SLC35D4: variants seen among roughly 807,000 people sequenced by gnomAD.
SLC35D4 encodes the protein solute carrier family 35 member D4.
At chr18:23,273,022 C>T in the SLC35D4 span, among the ~76,000 whole-genome samples, 2 of 152,170 alleles carry the variant, frequency 1.3e-5, no homozygotes, top group South Asian at 2.1e-4. Flanking sequence ...TCCATGACAC[C>T]GGTGAGCCGC....
chr18:23,395,263 A>G, the SLC35D4 span, among the ~76,000 whole-genome samples: 212 of 152,258 alleles, frequency 1.4e-3, no homozygotes, highest in African/African-American at 4.9e-3. Context: ...TTCCTTTATG[A>G]TATTGGAGCC....
the SLC35D4 span, among the ~76,000 whole-genome samples, chr18:23,308,130 A>T: frequency 6.6e-6 from 1 of 152,192 alleles, no homozygotes. Flanking sequence ...CTTGCACAGG[A>T]TGTGGCCAGG....
At chr18:23,246,593 G>GT in the SLC35D4 span, among the ~76,000 whole-genome samples, 2 of 151,068 alleles carry the variant, frequency 1.3e-5, no homozygotes, top group African/African-American at 2.5e-5. Flanking sequence ...GGGTTTCACC[G>GT]TGTTAGCCAG....
At chr18:23,277,777 T>TG in the SLC35D4 span, among the ~76,000 whole-genome samples, 4,242 of 152,222 alleles carry the variant, frequency 0.028, 82 homozygotes, top group South Asian at 0.054. Context: ...GCATCAAGAC[T>TG]GGGGGTGATT....
chr18:23,310,224 G>A, the SLC35D4 span: 2 of 985,286 alleles, frequency 2.0e-6, no homozygotes, highest in South Asian at 4.7e-5. Flanking sequence ...CTCACCTAAT[G>A]CTCCCATCTT....
the SLC35D4 span, chr18:23,384,861 C>A: frequency 1.4e-6 from 1 of 718,222 alleles, no homozygotes; most frequent in Non-Finnish European, 2.4e-6. Flanking sequence ...TCATTGATCA[C>A]TATCAGGTAA....
the SLC35D4 span, among the ~76,000 whole-genome samples, chr18:23,313,126 C>CAAAAAAAAAAAAAAAAAAAAA: frequency 6.1e-4 from 18 of 29,490 alleles, 3 homozygotes; most frequent in Non-Finnish European, 8.0e-4. Flanking sequence ...GACTACATCT[C>CAAAAAAAAAAAAAAAAAAAAA]AAAAAAAAAA....
At chr18:23,240,140 G>A in the SLC35D4 span, among the ~76,000 whole-genome samples, 4 of 151,998 alleles carry the variant, frequency 2.6e-5, no homozygotes, top group Non-Finnish European at 5.9e-5. Context: ...CAAAAACAGC[G>A]GCAGGAAATG....
the SLC35D4 span, among the ~76,000 whole-genome samples, chr18:23,358,708 A>G: frequency 6.6e-6 from 1 of 152,060 alleles, no homozygotes; most frequent in Non-Finnish European, 1.5e-5. Flanking sequence ...ACCATAACCA[A>G]TATACCCAGC....
the SLC35D4 span, among the ~76,000 whole-genome samples, chr18:23,432,587 A>G: frequency 1.3e-5 from 2 of 151,624 alleles, no homozygotes; most frequent in Non-Finnish European, 2.9e-5. Context: ...AGGCTGCGGC[A>G]GGATAATCAC....
chr18:23,436,370 T>TAAA, the SLC35D4 span, among the ~76,000 whole-genome samples: 1 of 152,106 alleles, frequency 6.6e-6, no homozygotes, highest in East Asian at 1.9e-4. Context: ...CATCTTAAAG[T>TAAA]TAAGAAACTT....
At chr18:23,371,365 G>A in the SLC35D4 span, 1 of 1,396,214 alleles carries the variant, frequency 7.2e-7, no homozygotes, top group South Asian at 1.5e-5. Flanking sequence ...AAAGTGCTGG[G>A]ATTCCAGGTA....
At chr18:23,410,295 G>A in the SLC35D4 span, among the ~76,000 whole-genome samples, 1 of 151,758 alleles carries the variant, frequency 6.6e-6, no homozygotes, top group African/African-American at 2.4e-5. Flanking sequence ...GGCTAACACA[G>A]TGAAACCCTA....
the SLC35D4 span, among the ~76,000 whole-genome samples, chr18:23,252,491 G>A: frequency 2.0e-5 from 3 of 152,200 alleles, no homozygotes; most frequent in East Asian, 1.9e-4. Context: ...AGAAAGCTGC[G>A]TGAAGTAGGC....
the SLC35D4 span, among the ~76,000 whole-genome samples, chr18:23,312,909 C>T: frequency 1.6e-4 from 25 of 152,014 alleles, no homozygotes; most frequent in African/African-American, 3.4e-4. Flanking sequence ...GGGCGGATCA[C>T]GAGGTCAGGA....
At chr18:23,264,327 G>A in the SLC35D4 span, among the ~76,000 whole-genome samples, 1 of 151,950 alleles carries the variant, frequency 6.6e-6, no homozygotes, top group Non-Finnish European at 1.5e-5. Context: ...GGAGCAAGAG[G>A]GGTGGGAAGG....
chr18:23,266,948 G>A, the SLC35D4 span, among the ~76,000 whole-genome samples: 1 of 152,208 alleles, frequency 6.6e-6, no homozygotes, highest in Non-Finnish European at 1.5e-5. Context: ...GGGCTGCCTT[G>A]CCTGCTGGTC....
At chr18:23,312,910 G>A in the SLC35D4 span, among the ~76,000 whole-genome samples, 5 of 151,782 alleles carry the variant, frequency 3.3e-5, no homozygotes, top group Non-Finnish European at 7.4e-5. Context: ...GGCGGATCAC[G>A]AGGTCAGGAG....
chr18:23,399,657 G>C, the SLC35D4 span: 1 of 1,613,212 alleles, frequency 6.2e-7, no homozygotes, highest in African/African-American at 1.3e-5. Flanking sequence ...TCTGAAAAGA[G>C]GGGAAAAAAG....
Sources: gnomAD v4.1 joint callset for allele counts (sites outside exome capture counted in the v4.1 genomes callset) on GRCh38, gnomAD v4.1.1 for gene constraint, MANE v1.5 for transcripts, NCBI Gene and HGNC (gene_info 2026-07-23, HGNC 2026-07-21) for gene names.